The following PNPT1 variants were observed in gnomAD, a reference collection of about 807,000 sequenced individuals.
The protein encoded by PNPT1 is polyribonucleotide nucleotidyltransferase 1, mitochondrial.
In PNPT1, 53 loss-of-function variants were observed where a neutral mutation model predicts 119.5. The observed-to-expected ratio is 0.44, with a 90% CI of 0.36 to 0.56. PNPT1 has a LOEUF of 0.56. Ranked by LOEUF, PNPT1 falls within the 20% of genes least tolerant of loss-of-function variation. PNPT1 has a pLI of 0.00. For synonymous variants in PNPT1, 357 were observed against 322.1 expected (o/e 1.11, Z -1.16); for missense variants, 948 against 938.5 (o/e 1.01, Z -0.13).
intron 23 of PNPT1, among the ~76,000 whole-genome samples, chr2:55,644,140 C>G (rs942192076): frequency 1.3e-5 from 2 of 152,162 alleles, no homozygotes; most frequent in Non-Finnish European, 2.9e-5. Context: ...AAAATCACAT[C>G]AGTTTCTCAG....
Position 55,635,193 on chromosome 2 carries a change from A to G in PNPT1, c.*1044T>C, listed in dbSNP as rs1559082473. 1 of 152,216 alleles carries G rather than the reference A, an allele frequency of 6.6e-6. No homozygotes were observed. Among genetic ancestry groups the G allele is most frequent in the Non-Finnish European group, 1.5e-5 (1 of 68,044 alleles). The allele number at this position is 152,216 out of a possible 1,614,324, so 9.4% of individuals were successfully genotyped here. A position where few individuals can be genotyped will look rare whatever the true frequency, so the allele number is the denominator to read the frequency against. On this transcript the variant is annotated 3_prime_UTR_variant, in exon 28 of 28. Coordinates refer to ENST00000447944, the MANE Select transcript of PNPT1 (RefSeq NM_033109.5). ...TGACATGTGTATCAGTAACCTCTAA[A>G]CATCTATTTCAAACATCTATTAACC...
chr2:55,693,630 A>T (rs757135397), intron 1 of PNPT1, 33 bp downstream of exon 1: 1 of 1,612,298 alleles, frequency 6.2e-7, no homozygotes, highest in Non-Finnish European at 8.5e-7. Context: ...AAGACACCTT[A>T]TGACAATACA....
At chr2:55,676,262 C>CA (rs11400030) in intron 8 of PNPT1, among the ~76,000 whole-genome samples, 38,952 of 83,378 alleles carry the variant, frequency 0.47, 8,862 homozygotes, top group Non-Finnish European at 0.52. Context: ...CCATCTCAAC[C>CA]AAAAAAAAAA....
intron 7 of PNPT1, 137 bp from the exon 8 acceptor site, chr2:55,679,932 C>T (rs1434660638): frequency 3.2e-6 from 2 of 622,928 alleles, no homozygotes; most frequent in African/African-American, 1.9e-5. Context: ...TATTTAAGAC[C>T]CACAGAACAT....
intron 18 of PNPT1, among the ~76,000 whole-genome samples, chr2:55,650,077 T>A (rs1696122900): frequency 6.6e-6 from 1 of 150,864 alleles, no homozygotes; most frequent in South Asian, 2.1e-4. Flanking sequence ...GATTTTATGT[T>A]GGGGAAAGAA....
intron 22 of PNPT1, 160 bp from the exon 23 acceptor site, chr2:55,644,880 G>A: frequency 2.2e-6 from 1 of 464,216 alleles, no homozygotes; most frequent in Non-Finnish European, 3.7e-6. Flanking sequence ...ACTGAAAACT[G>A]TTAAAGAATA....
At chr2:55,690,598 T>TAGAC (rs1697565704) in intron 1 of PNPT1, among the ~76,000 whole-genome samples, 2 of 152,258 alleles carry the variant, frequency 1.3e-5, no homozygotes, top group Non-Finnish European at 1.5e-5. Flanking sequence ...TTAGACTCAT[T>TAGAC]TTGTTAAGTT....
At chr2:55,689,993 T>G (rs940216848) in intron 1 of PNPT1, among the ~76,000 whole-genome samples, 2 of 152,118 alleles carry the variant, frequency 1.3e-5, no homozygotes, top group African/African-American at 4.8e-5. Flanking sequence ...GGCTAATTTT[T>G]AAATTTTTTG....
chr2:55,648,093 C>A (rs2104040969), intron 18 of PNPT1, among the ~76,000 whole-genome samples: 1 of 152,284 alleles, frequency 6.6e-6, no homozygotes, highest in East Asian at 1.9e-4. Context: ...TTGGTAAATT[C>A]TTCCAGCCTG....
intron 8 of PNPT1, among the ~76,000 whole-genome samples, chr2:55,675,562 G>C (rs767346672): frequency 3.2e-4 from 48 of 152,056 alleles, no homozygotes; most frequent in Non-Finnish European, 5.9e-4. Flanking sequence ...GCCAGGTGTG[G>C]TGACATGTGC....
In PNPT1 at chr2:55,671,336, G is replaced by A. The variant is rs200555807; in HGVS notation, c.959C>T (p.Thr320Met). 4.0e-5 allele frequency: 62 copies of A among 1,534,624 alleles called. No homozygotes were observed. Among genetic ancestry groups the A allele is most frequent in the African/African-American group, 2.5e-4 (18 of 70,976 alleles). Residue 320 changes from threonine to methionine, a missense_variant, in exon 11 of 28, where the codon ACG (threonine) becomes ATG (methionine). Transcript: ENST00000447944. ...AAATTTACCTTTTAGTTGTTCCTCC[G>A]TATCTAATCTTATTTTGTTAACAGC... ...DEAVNKIRLDTEEQLKEKFPE... is the reference protein window; with the variant it reads ...DEAVNKIRLDMEEQLKEKFPE...
chr2:55,658,005 A>G (rs1218903280), intron 15 of PNPT1, among the ~76,000 whole-genome samples: 5 of 150,598 alleles, frequency 3.3e-5, no homozygotes, highest in Admixed American at 2.7e-4. Flanking sequence ...TGGGAGGCTG[A>G]GGCAGGCAGA....
chr2:55,671,360 G>C lies in PNPT1; in HGVS notation c.935C>G (p.Ala312Gly), dbSNP rs1229179462. The C allele has an allele frequency of 1.3e-6, 2 of 1,531,276 alleles. No individual in the cohort carries two copies. The highest frequency in any genetic ancestry group is 1.4e-5 in the African/African-American group (1 of 71,228). The allele number at this position is 1,531,276 out of a possible 1,614,324, so 94.9% of individuals were successfully genotyped here. A position where few individuals can be genotyped will look rare whatever the true frequency, so the allele number is the denominator to read the frequency against. Residue 312 changes from alanine (A) to glycine (G), a missense_variant, in exon 11 of 28, where the codon GCT (alanine) becomes GGT (glycine). Coordinates refer to ENST00000447944, the MANE Select transcript of PNPT1 (RefSeq NM_033109.5). ...CGTATCTAATCTTATTTTGTTAACA[G>C]CTTCATCTCTGGAAACCTAAAAGAA... is the stretch of plus-strand genomic sequence containing the variant. Reference protein sequence around the residue: ...YEHDKVSRDEAVNKIRLDTEE... With the variant: ...YEHDKVSRDEGVNKIRLDTEE...
Position 55,685,030 on chromosome 2 carries a change from C to G in PNPT1, c.316G>C (p.Ala106Pro). The G allele has an allele frequency of 6.3e-7, 1 of 1,590,256 alleles. No homozygotes were observed. Among genetic ancestry groups the G allele is most frequent in the South Asian group, 1.1e-5 (1 of 88,508 alleles). The change falls in exon 4 of 28, where the codon GCT becomes CCT. Residue 106 changes from alanine (A) to proline (P), a missense_variant. Ala to Pro is a conservative substitution (Grantham distance 27). Transcript: ENST00000447944. Reference sequence around the variant, plus strand: ...GTGGGAATTCTACCTGCTGCAGCAGCTTTTTGTCTGTAGTCAACCTGAAGC... The same window carrying G: ...GTGGGAATTCTACCTGCTGCAGCAGGTTTTTGTCTGTAGTCAACCTGAAGC... ...MPLVVDYRQK[A>P]AAAGRIPTNY...
Position 55,636,289 on chromosome 2 carries a change from C to T in PNPT1, c.2300G>A (p.Ser767Asn). The stretch of plus-strand genomic sequence containing the variant: ...AATAGGTTCTCCCATTACAATACTA[C>T]TTCTGTCATTCAAAGTTCTGACCAC... ...TTVVRTLNDR[S>N]SIVMGEPISQ... Residue 767 changes from serine to asparagine, a missense_variant, in exon 28 of 28, where the codon AGT becomes AAT. Ser to Asn is a conservative substitution (Grantham distance 46, BLOSUM62 1). Coordinates refer to ENST00000447944, the MANE Select transcript of PNPT1 (RefSeq NM_033109.5). 1.2e-6 allele frequency: 2 copies of T among 1,613,748 alleles called. No homozygotes were observed. Among genetic ancestry groups the T allele is most frequent in the East Asian group, 2.2e-5 (1 of 44,880 alleles).
At chr2:55,640,571 A>G in intron 26 of PNPT1, 56 bp downstream of exon 26, 2 of 1,380,676 alleles carry the variant, frequency 1.4e-6, no homozygotes, top group Admixed American at 1.7e-5. Context: ...AGGTAATTTC[A>G]ATACAGTGTT....
At chr2:55,676,256 C>G (rs1223875282) in intron 8 of PNPT1, among the ~76,000 whole-genome samples, 1 of 85,758 alleles carries the variant, frequency 1.2e-5, no homozygotes, top group Non-Finnish European at 2.0e-5. Context: ...AAGACTCCAT[C>G]TCAACCAAAA....
In PNPT1 at chr2:55,654,968, A is replaced by C; in HGVS notation, c.1442-15T>G. On this transcript the variant is annotated splice_polypyrimidine_tract_variant and intron_variant, in intron 17 of 27. Transcript: ENST00000447944. ...AGAAGATGACCCTATAGAAAGAAAA[A>C]TAACTGCTTTATATTAAACTGATTT... 6.2e-7 allele frequency: 1 copy of C among 1,608,906 alleles called. No homozygotes were observed. Among genetic ancestry groups the C allele is most frequent in the Non-Finnish European group, 8.5e-7 (1 of 1,176,550 alleles).
At chr2:55,691,878 A>ATATATATTTTTTTTTT (rs1326804958) in intron 1 of PNPT1, among the ~76,000 whole-genome samples, 7 of 33,102 alleles carry the variant, frequency 2.1e-4, no homozygotes, top group Non-Finnish European at 4.1e-4. Context: ...ATATATATAT[A>ATATATATTTTTTTTTT]TTTTTTTTTT....
Sources: allele counts gnomAD v4.1 joint callset (sites outside exome capture counted in the v4.1 genomes callset), GRCh38; gene constraint gnomAD v4.1.1; transcripts MANE v1.5; gene names NCBI Gene and HGNC (gene_info 2026-07-23, HGNC 2026-07-21).